ESR1: variants seen among roughly 807,000 people sequenced by gnomAD.
ESR1 encodes the protein estrogen receptor 1, also known as estrogen receptor.
In ESR1, 12 loss-of-function variants were observed where a neutral mutation model predicts 52.7. The ratio of observed to expected loss-of-function variants is 0.23; its 90% confidence interval spans 0.15 to 0.37. The LOEUF (loss-of-function observed/expected upper bound fraction) is 0.37. Among genes scored for constraint, ESR1 ranks in the 10% least tolerant of loss-of-function variants. The pLI is 1.00. For synonymous variants in ESR1, 305 were observed against 316.8 expected, an observed-to-expected ratio of 0.96 and a Z score of 0.39; for missense variants, 584 against 779.7, an observed-to-expected ratio of 0.75 and a Z score of 2.99.
In ESR1 at chr6:151,730,060, G is replaced by A. The variant is rs78102107; in HGVS notation, c.-71+28055G>A. ...GCTTCCTTCTTGGTTTCTGCTACAAGTTTCTGCCTCTCCCACTGGCCCATT... is the reference window on the plus strand; with the variant it reads ...GCTTCCTTCTTGGTTTCTGCTACAAATTTCTGCCTCTCCCACTGGCCCATT... On this transcript the variant is annotated intron_variant, in intron 2 of 2. Coordinates refer to the ESR1 transcript ENST00000404742. 7.6e-4 allele frequency among the ~76,000 whole-genome samples: 116 copies of A among 152,262 alleles called. 1 individual carries two copies. In the East Asian group the frequency reaches 0.022, roughly 29 times the overall value.
At chr6:151,781,530 G>A (rs1786539502) in intron 2 of ESR1, among the ~76,000 whole-genome samples, 1 of 152,228 alleles carries the variant, frequency 6.6e-6, no homozygotes, top group Non-Finnish European at 1.5e-5. Flanking sequence ...TATACAACTA[G>A]TTAAGAAGAG....
chr6:151,661,997 T>C (rs948401743), intron 1 of ESR1, among the ~76,000 whole-genome samples: 2 of 152,186 alleles, frequency 1.3e-5, no homozygotes, highest in Non-Finnish European at 2.9e-5. Context: ...AGGTGTGCCA[T>C]TGGCACACAG....
chr6:151,701,703 G>A (rs557261307), intron 1 of ESR1, among the ~76,000 whole-genome samples: 1 of 152,248 alleles, frequency 6.6e-6, no homozygotes, highest in East Asian at 1.9e-4. Context: ...CAAGGAATTT[G>A]ATCTGAACAG....
At chr6:152,082,038 G>A (rs1358184888) in intron 6 of ESR1, among the ~76,000 whole-genome samples, 1 of 152,104 alleles carries the variant, frequency 6.6e-6, no homozygotes, top group African/African-American at 2.4e-5. Context: ...GAGGTACAAA[G>A]AGGAGCTGGT....
At chr6:151,731,550 G>A (rs1319870329) in intron 2 of ESR1, among the ~76,000 whole-genome samples, 5 of 152,150 alleles carry the variant, frequency 3.3e-5, no homozygotes, top group African/African-American at 7.2e-5. Context: ...TCGCTGCCTC[G>A]TGCCAGGTCA....
chr6:152,108,422 T>G (rs926040949), intron 6 of ESR1, among the ~76,000 whole-genome samples: 1 of 152,280 alleles, frequency 6.6e-6, no homozygotes, highest in Non-Finnish European at 1.5e-5. Context: ...CTCAGATTGT[T>G]ATACATCTTT....
chr6:151,848,478 TAA>T (rs5880945), intron 2 of ESR1, among the ~76,000 whole-genome samples: 105 of 136,270 alleles, frequency 7.7e-4, no homozygotes, highest in Non-Finnish European at 1.2e-3. Context: ...TAGAGTATAA[TAA>T]AAAAAAAAAA....
intron 4 of ESR1, among the ~76,000 whole-genome samples, chr6:152,010,302 T>A (rs1227577676): frequency 6.6e-6 from 1 of 152,090 alleles, no homozygotes; most frequent in East Asian, 1.9e-4. Context: ...CATACTTGAT[T>A]GTTAAAGGAA....
chr6:151,735,932 A>G (rs751789114), intron 2 of ESR1, among the ~76,000 whole-genome samples: 2 of 152,138 alleles, frequency 1.3e-5, no homozygotes, highest in Non-Finnish European at 2.9e-5. Context: ...GTGTTTGACC[A>G]TTCCACCTTC....
intron 2 of ESR1, among the ~76,000 whole-genome samples, chr6:151,724,430 A>C (rs1583025372): frequency 3.3e-5 from 5 of 152,188 alleles, no homozygotes; most frequent in Admixed American, 3.3e-4. Context: ...AAGAGAAAGA[A>C]CCTTCAGAAA....
At chr6:151,767,167 C>T (rs1785125405) in intron 2 of ESR1, among the ~76,000 whole-genome samples, 1 of 152,182 alleles carries the variant, frequency 6.6e-6, no homozygotes, top group South Asian at 2.1e-4. Context: ...ACTTGTCTCT[C>T]TTCTTAACAA....
chr6:151,958,898 T>G (rs1332602190), intron 4 of ESR1, among the ~76,000 whole-genome samples: 1 of 152,152 alleles, frequency 6.6e-6, no homozygotes, highest in Non-Finnish European at 1.5e-5. Flanking sequence ...ACTTCTCTTT[T>G]GCCCCTCTTT....
At chr6:152,048,650 A>T (rs902138339) in intron 5 of ESR1, among the ~76,000 whole-genome samples, 3 of 152,156 alleles carry the variant, frequency 2.0e-5, no homozygotes, top group African/African-American at 7.2e-5. Flanking sequence ...AACATAGGAG[A>T]TTCCAACTCA....
intron 2 of ESR1, among the ~76,000 whole-genome samples, chr6:151,736,375 G>GTTTTTTTTTTTTTTTTTGTTT (rs10624912): frequency 8.9e-6 from 1 of 112,742 alleles, no homozygotes. Flanking sequence ...TCCAGGTAGT[G>GTTTTTTTTTTTTTTTTTGTTT]TTTTTTTTTT....
At chr6:151,707,118 G>A (rs1780244621) in intron 2 of ESR1, among the ~76,000 whole-genome samples, 1 of 152,158 alleles carries the variant, frequency 6.6e-6, no homozygotes, top group Non-Finnish European at 1.5e-5. Flanking sequence ...GACTAGAAAT[G>A]CCAATGTTCA....
At chr6:151,915,772 A>AT (rs1381845089) in intron 3 of ESR1, among the ~76,000 whole-genome samples, 5 of 151,812 alleles carry the variant, frequency 3.3e-5, no homozygotes, top group Admixed American at 1.3e-4. Flanking sequence ...CTGATTTTGG[A>AT]TTTTTTTCTG....
At chr6:152,005,215 G>A (rs775755862) in intron 4 of ESR1, among the ~76,000 whole-genome samples, 5 of 151,962 alleles carry the variant, frequency 3.3e-5, no homozygotes, top group Non-Finnish European at 5.9e-5. Flanking sequence ...AATGCTTGGA[G>A]TGTAATAAAA....
intron 2 of ESR1, among the ~76,000 whole-genome samples, chr6:151,741,090 C>G (rs1010187801): frequency 6.6e-6 from 1 of 152,106 alleles, no homozygotes; most frequent in Non-Finnish European, 1.5e-5. Context: ...GAGGCGGGCC[C>G]GTCAGTCACT....
intron 6 of ESR1, among the ~76,000 whole-genome samples, chr6:152,073,419 C>A (rs1006712415): frequency 1.3e-5 from 2 of 152,116 alleles, no homozygotes; most frequent in African/African-American, 4.8e-5. Flanking sequence ...GAAAAGCCAC[C>A]AAGCAAAATA....
Sources: gnomAD v4.1 joint callset for allele counts (sites outside exome capture counted in the v4.1 genomes callset) on GRCh38, gnomAD v4.1.1 for gene constraint, MANE v1.5 for transcripts, NCBI Gene and HGNC (gene_info 2026-07-23, HGNC 2026-07-21) for gene names.